LEF1: variants seen among roughly 807,000 people sequenced by gnomAD.
LEF1 encodes the protein lymphoid enhancer binding factor 1, also known as lymphoid enhancer-binding factor 1.
LEF1 carries 14 observed loss-of-function variants against 51.2 expected under a neutral mutation model. The ratio of observed to expected loss-of-function variants is 0.27; its 90% CI spans 0.18 to 0.43. LEF1 has a LOEUF of 0.43. LEF1 is among the 20% of genes least tolerant of loss of function. The pLI, the probability that LEF1 is intolerant of heterozygous loss-of-function variation, is 1.00. For missense variants in LEF1, 386 were observed against 512.0 expected, an observed-to-expected ratio of 0.75 and a Z score of 2.37; for synonymous variants, 185 against 183.2, an observed-to-expected ratio of 1.01 and a Z score of -0.08.
chr4:108,163,268 A>G (rs1019633048), intron 3 of LEF1, among the ~76,000 whole-genome samples: 3 of 152,240 alleles, frequency 2.0e-5, no homozygotes, highest in Admixed American at 6.5e-5. Flanking sequence ...TCTCATCAGC[A>G]TAGAATGCAC....
chr4:108,051,328 T>C (rs1301576703), intron 11 of LEF1, among the ~76,000 whole-genome samples: 1 of 152,132 alleles, frequency 6.6e-6, no homozygotes, highest in Non-Finnish European at 1.5e-5. Flanking sequence ...GTGGCTCTTT[T>C]AAAATACAGG....
intron 3 of LEF1, among the ~76,000 whole-genome samples, chr4:108,146,833 A>G (rs955451152): frequency 6.6e-6 from 1 of 152,192 alleles, no homozygotes; most frequent in African/African-American, 2.4e-5. Context: ...AAAACAACTC[A>G]AGAGAAATGC....
Position 108,078,247 on chromosome 4 carries a change from T to G in LEF1, c.981A>C (p.Ala327=). The G allele has an allele frequency of 2.5e-6, 4 of 1,614,188 alleles. No individual in the cohort carries two copies. Among genetic ancestry groups the G allele is most frequent in the Non-Finnish European group, 3.4e-6 (4 of 1,180,028 alleles). The change falls in exon 8 of 12, where the codon GCA becomes GCC. Residue 327 remains alanine (A), a synonymous_variant. Transcript: ENST00000265165. The part of the protein sequence containing the change: ...VVAECTLKES[A]AINQILGRRW... ...TTCTGCCAAGAATCTGGTTGATAGC[T>G]GCACTTTCTTTTAGAGTACACTCAG...
intron 8 of LEF1, 172 bp from the exon 9 acceptor site, chr4:108,070,942 C>G (rs1384003925): frequency 1.3e-5 from 7 of 554,790 alleles, no homozygotes; most frequent in Non-Finnish European, 2.2e-5. Context: ...AGTCTAGTGG[C>G]TACAGTGAAA....
intron 8 of LEF1, among the ~76,000 whole-genome samples, chr4:108,077,691 G>T (rs1389985525): frequency 6.8e-6 from 1 of 147,608 alleles, no homozygotes; most frequent in Non-Finnish European, 1.5e-5. Context: ...CGCAGCTGCC[G>T]CCCCATCTGG....
At chr4:108,160,477 T>C (rs1193788986) in intron 3 of LEF1, among the ~76,000 whole-genome samples, 1 of 152,116 alleles carries the variant, frequency 6.6e-6, no homozygotes, top group Non-Finnish European at 1.5e-5. Flanking sequence ...ACACCAAATA[T>C]GTCATGATAG....
At chr4:108,156,483 A>C (rs1165387217) in intron 3 of LEF1, among the ~76,000 whole-genome samples, 1 of 152,252 alleles carries the variant, frequency 6.6e-6, no homozygotes, top group Non-Finnish European at 1.5e-5. Context: ...TCATAAAGAC[A>C]GATCATTTGG....
In LEF1 at chr4:108,048,353, G is replaced by A. The variant is rs970484692; in HGVS notation, c.*405C>T. ...TGCTGGCTCCAGTTGCGCATGACAG[G>A]CAAATGCAGCCAAGTTACCGTCCTT... On this transcript the variant is annotated 3_prime_UTR_variant, in exon 12 of 12. Transcript: ENST00000265165. 2 of 196,390 alleles carry A rather than the reference G, an allele frequency of 1.0e-5. No individual in the cohort carries two copies. Among genetic ancestry groups the A allele is most frequent in the Admixed American group, 1.2e-4 (2 of 16,658 alleles). The allele number at this position is 196,390 out of a possible 1,614,324, so 12.2% of individuals were successfully genotyped here. A position where few individuals can be genotyped will look rare whatever the true frequency, so the allele number is the denominator to read the frequency against.
In LEF1 at chr4:108,081,647, T is replaced by G; in HGVS notation, c.661A>C (p.Ile221Leu). The change falls in exon 6 of 12, where the codon ATC becomes CTC. Residue 221 changes from isoleucine to leucine, a missense_variant. Coordinates refer to ENST00000265165, the MANE Select transcript of LEF1 (RefSeq NM_016269.5). ...TAGGGTTGCCTGAATCCACCCGTGA[T>G]GGGATATACAGGCTGACCTTGCCTG... ...LGWQGQPVYP[I>L]TGGFRQPYPS... The G allele has an allele frequency of 6.2e-7, 1 of 1,614,030 alleles. No individual in the cohort carries two copies. Among genetic ancestry groups the G allele is most frequent in the African/African-American group, 1.3e-5 (1 of 75,012 alleles).
intron 11 of LEF1, among the ~76,000 whole-genome samples, chr4:108,049,305 AT>A (rs918182965): frequency 1.2e-4 from 18 of 151,752 alleles, no homozygotes; most frequent in Non-Finnish European, 2.2e-4. Flanking sequence ...AATTTTCAAG[AT>A]TTTTTTTTCC....
At chr4:108,068,351 G>A (rs1017170976) in intron 9 of LEF1, among the ~76,000 whole-genome samples, 2 of 152,166 alleles carry the variant, frequency 1.3e-5, no homozygotes, top group Admixed American at 6.5e-5. Flanking sequence ...GGAAAACCAC[G>A]TAGATTTTGA....
rs796096791 is a variant in LEF1, at chr4:108,158,046, CCCACCT to C, written c.414+5516_414+5521del. On this transcript the variant is annotated intron_variant, in intron 3 of 11. Coordinates refer to ENST00000265165, the MANE Select transcript of LEF1 (RefSeq NM_016269.5). ...TGGTACAGATTAACTCCCAACTCCC[CCCACCT>C]CCACCCCCAGTCTTTGTTGTTGTTC... Among the ~76,000 whole-genome samples the C allele has an allele frequency of 4.6e-5, 7 of 152,174 alleles. 1 individual carries two copies. The highest frequency in any genetic ancestry group is 1.4e-4 in the African/African-American group (6 of 41,522).
intron 9 of LEF1, 119 bp downstream of exon 9, chr4:108,070,544 T>C: frequency 1.7e-6 from 1 of 589,662 alleles, no homozygotes; most frequent in Non-Finnish European, 3.0e-6. Flanking sequence ...ACAAAGTTCA[T>C]TAACTTCCAA....
Position 108,149,458 on chromosome 4 carries a change from C to CAAAAAA in LEF1, c.414+14104_414+14109dup, listed in dbSNP as rs371482539. Among the ~76,000 whole-genome samples the CAAAAAA allele has an allele frequency of 2.5e-4, 15 of 60,584 alleles. 2 individuals carry two copies. Among genetic ancestry groups the CAAAAAA allele is most frequent in the African/African-American group, 9.4e-4 (13 of 13,794 alleles). 39.7% of individuals were successfully genotyped at this position (60,584 alleles called of 152,430 possible). ...TGGGCGACAGAGCGAGACTCCGTCT[C>CAAAAAA]AAAAAAAAAAAAAAAAAATAGATTA... On this transcript the variant is annotated intron_variant, in intron 3 of 11. Transcript: ENST00000265165.
At chr4:108,138,061 C>A (rs1366552189) in intron 3 of LEF1, among the ~76,000 whole-genome samples, 3 of 152,150 alleles carry the variant, frequency 2.0e-5, no homozygotes. Context: ...TTTAGGATGA[C>A]CCCAACAAAA....
rs1263416005 is a variant in LEF1 at position 108,165,125 on chromosome 4, G to A, written c.252C>T (p.His84=). 14 of 1,614,004 alleles carry A rather than the reference G, an allele frequency of 8.7e-6. No homozygotes were observed. Among genetic ancestry groups the A allele is most frequent in the East Asian group, 2.2e-5 (1 of 44,882 alleles). The change falls in exon 2 of 12, where the codon CAC becomes CAT. Residue 84 remains histidine, a synonymous_variant. Transcript: ENST00000265165. The part of the protein sequence containing the change: ...RQAQTSQEPY[H]DKAREHPDDG... ...CATCGGGGTGTTCTCTGGCCTTGTC[G>A]TGGTAGGGCTCCTGAGAGGTTTGTG...
intron 8 of LEF1, among the ~76,000 whole-genome samples, chr4:108,075,690 G>C (rs1738809255): frequency 6.6e-6 from 1 of 152,202 alleles, no homozygotes. Context: ...CAAAGTACTT[G>C]GAAGGACTGA....
At chr4:108,102,805 CT>C (rs1431005336) in intron 3 of LEF1, among the ~76,000 whole-genome samples, 1 of 152,140 alleles carries the variant, frequency 6.6e-6, no homozygotes, top group Non-Finnish European at 1.5e-5. Context: ...TATGAATGAG[CT>C]CCTCCAACAA....
chr4:108,168,525 G>C lies in LEF1; in HGVS notation c.-758C>G, dbSNP rs1477951116. 1.3e-5 allele frequency: 2 copies of C among 152,226 alleles called. No homozygotes were observed. The highest frequency in any genetic ancestry group is 6.5e-5 in the Admixed American group (1 of 15,288). 9.4% of individuals were successfully genotyped at this position (152,226 alleles called of 1,614,324 possible). ...ATGGGGGCCGAGGAGGAGGGGAAGA[G>C]AAAGAGAAGTTTGCCAAGAATAAAG... On this transcript the variant is annotated 5_prime_UTR_variant, in exon 1 of 12. Coordinates refer to ENST00000265165, the MANE Select transcript of LEF1 (RefSeq NM_016269.5). This position sits in a 1 kb window ranked among gnomAD's most constrained non-coding sequence, Gnocchi z 4.6.
Sources: gnomAD v4.1 joint callset for allele counts (sites outside exome capture counted in the v4.1 genomes callset) on GRCh38, gnomAD v4.1.1 for gene constraint, Gnocchi (gnomAD v3.1) non-coding constraint, MANE v1.5 for transcripts, NCBI Gene and HGNC (gene_info 2026-07-23, HGNC 2026-07-21) for gene names.